Variants in NIPBL observed in about 807,000 individuals in gnomAD.
NIPBL encodes the protein nipped-B-like protein.
A neutral mutation model predicts 321.8 loss-of-function variants in NIPBL; 19 were observed. The observed-to-expected ratio is 0.06, with a 90% CI of 0.04 to 0.09. NIPBL has a LOEUF of 0.09. NIPBL is among the 10% of genes least tolerant of loss of function. The pLI, the probability that NIPBL is intolerant of heterozygous loss-of-function variation, is 1.00. For missense variants in NIPBL, 2,210 were observed against 3,327.0 expected (o/e 0.66, Z 8.26); for synonymous variants, 1,106 against 1,114.1 (o/e 0.99, Z 0.14).
intron 1 of NIPBL, among the ~76,000 whole-genome samples, chr5:36,896,438 G>A (rs1452163903): frequency 6.6e-6 from 1 of 152,158 alleles, no homozygotes; most frequent in Non-Finnish European, 1.5e-5. Context: ...AGTTTAGGAT[G>A]TTTGTCATTT....
At position 37,019,230 on chromosome 5, in the gene NIPBL, T is replaced by A; in HGVS notation, c.4921-81T>A. 1.3e-5 allele frequency: 12 copies of A among 919,580 alleles called. No homozygotes were observed. In the South Asian group the frequency reaches 1.6e-4, roughly 13 times the overall value. The allele number at this position is 919,580 out of a possible 1,614,324, so 57.0% of individuals were successfully genotyped here. ...TTCATTTTTAATATCAGTTTTTCCT[T>A]CAGATTTGTGTTTACAATTAGGTGA... On this transcript the variant is annotated intron_variant, in intron 24 of 46. Coordinates refer to ENST00000282516, the MANE Select transcript of NIPBL (RefSeq NM_133433.4).
At chr5:36,888,538 TTAAA>T (rs1464416046) in intron 1 of NIPBL, among the ~76,000 whole-genome samples, 2 of 152,148 alleles carry the variant, frequency 1.3e-5, no homozygotes, top group Admixed American at 6.5e-5. Flanking sequence ...ACAAGTTTAC[TTAAA>T]TAACATTTTC....
At position 36,953,684 on chromosome 5, in the gene NIPBL, C is replaced by A. The variant is rs763068661; in HGVS notation, c.-13C>A. ...AAGTACTTTTATAGGCAACACCATT[C>A]CAGAAATTCAGGATGAATGGGGATA... On this transcript the variant is annotated 5_prime_UTR_variant, in exon 2 of 47. Transcript: ENST00000282516. 6.2e-7 allele frequency: 1 copy of A among 1,612,950 alleles called. No homozygotes were observed. Among genetic ancestry groups the A allele is most frequent in the Non-Finnish European group, 8.5e-7 (1 of 1,178,992 alleles).
At chr5:36,932,814 A>G (rs140540627) in intron 1 of NIPBL, among the ~76,000 whole-genome samples, 1,708 of 119,532 alleles carry the variant, frequency 0.014, 52 homozygotes, top group African/African-American at 0.055. Context: ...AAAGAACAGG[A>G]TCTCATTCTG....
At chr5:36,994,448 T>A (rs76399987) in intron 10 of NIPBL, among the ~76,000 whole-genome samples, 2,117 of 152,270 alleles carry the variant, frequency 0.014, 53 homozygotes, top group African/African-American at 0.049. Context: ...TATTTGATTG[T>A]ATCGTCTTAA....
At chr5:36,937,087 A>G (rs1167872260) in intron 1 of NIPBL, among the ~76,000 whole-genome samples, 1 of 152,146 alleles carries the variant, frequency 6.6e-6, no homozygotes, top group Non-Finnish European at 1.5e-5. Context: ...GAAACTATAG[A>G]TAGCATTTAT....
In NIPBL at chr5:36,985,880, T is replaced by C. The variant is rs1744730723; in HGVS notation, c.2700T>C (p.Ser900=). 1 of 1,613,758 alleles carries C rather than the reference T, an allele frequency of 6.2e-7. No homozygotes were observed. The highest frequency in any genetic ancestry group is 8.5e-7 in the Non-Finnish European group (1 of 1,179,956). ...GTCCTCGTGTTAAACAAGGAGATTCTAATAAATCAAGATCTGATAAACTTG... is the reference window on the plus strand; with the variant it reads ...GTCCTCGTGTTAAACAAGGAGATTCCAATAAATCAAGATCTGATAAACTTG... ...PDSPRVKQGD[S]NKSRSDKLGF... The change falls in exon 10 of 47, where the codon TCT becomes TCC. Residue 900 remains serine, a synonymous_variant. Coordinates refer to ENST00000282516, the MANE Select transcript of NIPBL (RefSeq NM_133433.4).
chr5:36,886,568 T>G (rs1044889020), intron 1 of NIPBL: 1 of 608,078 alleles, frequency 1.6e-6, no homozygotes, highest in East Asian at 2.9e-5. Flanking sequence ...TGGGGGAAAA[T>G]AGGCTATTCA....
intron 3 of NIPBL, among the ~76,000 whole-genome samples, chr5:36,956,675 A>T (rs1482202295): frequency 1.7e-5 from 2 of 116,126 alleles, no homozygotes; most frequent in Admixed American, 2.6e-4. Flanking sequence ...CCCAGGCTGG[A>T]GTGCAGTGGT....
intron 1 of NIPBL, among the ~76,000 whole-genome samples, chr5:36,899,020 T>G (rs1747003549): frequency 6.6e-6 from 1 of 152,248 alleles, no homozygotes; most frequent in African/African-American, 2.4e-5. Flanking sequence ...CAGAAAACTC[T>G]CAAGTGTTTG....
intron 34 of NIPBL, among the ~76,000 whole-genome samples, chr5:37,041,252 GTTTTTTTTTT>G (rs1163179336): frequency 4.7e-5 from 3 of 63,996 alleles, no homozygotes; most frequent in South Asian, 4.9e-4. Flanking sequence ...TTATGTGGTG[GTTTTTTTTTT>G]TTTTTTTTTT....
chr5:36,885,025 CTAAA>C (rs1188919656), intron 1 of NIPBL, among the ~76,000 whole-genome samples: 1 of 151,966 alleles, frequency 6.6e-6, no homozygotes, highest in Non-Finnish European at 1.5e-5. Flanking sequence ...AGTGAAATAT[CTAAA>C]TACTTTCTTG....
At chr5:37,012,604 C>A (rs1297907105) in intron 21 of NIPBL, among the ~76,000 whole-genome samples, 2 of 152,080 alleles carry the variant, frequency 1.3e-5, no homozygotes, top group African/African-American at 2.4e-5. Context: ...GAGGACCCTG[C>A]GGCCTTCCGG....
intron 1 of NIPBL, among the ~76,000 whole-genome samples, chr5:36,929,548 A>G (rs1290054409): frequency 6.6e-6 from 1 of 152,050 alleles, no homozygotes; most frequent in African/African-American, 2.4e-5. Flanking sequence ...AACTATGAAA[A>G]TTGTTAACTT....
chr5:36,982,749 A>G (rs1399786534), intron 9 of NIPBL, among the ~76,000 whole-genome samples: 1 of 151,826 alleles, frequency 6.6e-6, no homozygotes, highest in Non-Finnish European at 1.5e-5. Context: ...AGTATTTTGT[A>G]ATCCTTTAAA....
At chr5:36,944,995 G>A (rs942568256) in intron 1 of NIPBL, among the ~76,000 whole-genome samples, 1 of 152,074 alleles carries the variant, frequency 6.6e-6, no homozygotes, top group African/African-American at 2.4e-5. Context: ...ATACAATTGT[G>A]TATGAAACAG....
intron 21 of NIPBL, 111 bp downstream of exon 21, chr5:37,010,336 G>C: frequency 1.1e-6 from 1 of 945,734 alleles, no homozygotes; most frequent in South Asian, 1.5e-5. Context: ...TTTTTTTTGA[G>C]ACGGAGTCTC....
intron 9 of NIPBL, among the ~76,000 whole-genome samples, chr5:36,983,016 A>C (rs1744321183): frequency 6.6e-6 from 1 of 151,990 alleles, no homozygotes; most frequent in Non-Finnish European, 1.5e-5. Context: ...CATCTTATTC[A>C]TGAGATATCA....
chr5:37,018,404 AC>A (rs1324484949), intron 24 of NIPBL, among the ~76,000 whole-genome samples: 6 of 152,114 alleles, frequency 3.9e-5, no homozygotes, highest in Non-Finnish European at 8.8e-5. Flanking sequence ...ATCAATGAGA[AC>A]CCTTTGAAGC....
Sources: allele counts gnomAD v4.1 joint callset (sites outside exome capture counted in the v4.1 genomes callset), GRCh38; gene constraint gnomAD v4.1.1; transcripts MANE v1.5; gene names NCBI Gene and HGNC (gene_info 2026-07-23, HGNC 2026-07-21).